POU2F1: variants seen among roughly 807,000 people sequenced by gnomAD.
POU2F1 encodes POU class 2 homeobox 1, also known as POU domain, class 2, transcription factor 1.
In POU2F1, 16 loss-of-function variants were observed where a neutral mutation model predicts 84.9. The observed-to-expected ratio is 0.19, with a 90% confidence interval of 0.13 to 0.29. The LOEUF is 0.29. Ranked by LOEUF, POU2F1 falls within the 10% of genes least tolerant of loss-of-function variation. The pLI is 1.00. For synonymous variants in POU2F1, 368 were observed against 368.3 expected, an observed-to-expected ratio of 1.00 and a Z score of 0.01; for missense variants, 738 against 942.6, an observed-to-expected ratio of 0.78 and a Z score of 2.84.
At chr1:167,282,305 A>G (rs1571223602) in intron 1 of POU2F1, among the ~76,000 whole-genome samples, 1 of 151,574 alleles carries the variant, frequency 6.6e-6, no homozygotes, top group African/African-American at 2.4e-5. Flanking sequence ...CACCACGCCC[A>G]GCTAATTTTT....
chr1:167,347,261 A>T (rs1339055022), intron 2 of POU2F1, among the ~76,000 whole-genome samples: 5 of 152,226 alleles, frequency 3.3e-5, no homozygotes, highest in African/African-American at 1.2e-4. Context: ...TTCATTACAC[A>T]TTAACATGTA....
rs189746948 is a variant in POU2F1, at chr1:167,416,314, T to C, written c.*504T>C. On this transcript the variant is annotated 3_prime_UTR_variant, in exon 16 of 16. Coordinates refer to ENST00000367866, the MANE Select transcript of POU2F1 (RefSeq NM_002697.4). ...TTAAGTCATAACAAGGTGTTTATAA[T>C]CGTATCAATTGTGTTGGGGGTTCCT... 10 of 246,590 alleles carry C rather than the reference T, an allele frequency of 4.1e-5. No individual in the cohort carries two copies. The highest frequency in any genetic ancestry group is 3.4e-4 in the East Asian group (3 of 8,892). The allele number at this position is 246,590 out of a possible 1,614,324, so 15.3% of individuals were successfully genotyped here. A position where few individuals can be genotyped will look rare whatever the true frequency, so the allele number is the denominator to read the frequency against.
In POU2F1 at chr1:167,387,302, C is replaced by T. The variant is rs114798108; in HGVS notation, c.814-2286C>T. Reference sequence around the variant, plus strand: ...TTTGAGAATGGGGCTACTTCAGGCCCGGAGATGAAGTAACAATGTGATAGT... The same window carrying T: ...TTTGAGAATGGGGCTACTTCAGGCCTGGAGATGAAGTAACAATGTGATAGT... On this transcript the variant is annotated intron_variant, in intron 8 of 15. Transcript: ENST00000367866. 1,101 of 446,390 alleles carry T rather than the reference C, an allele frequency of 2.5e-3. 9 individuals are homozygous for T. Among genetic ancestry groups the T allele is most frequent in the African/African-American group, 0.018 (918 of 49,862 alleles). 27.7% of individuals were successfully genotyped at this position (446,390 alleles called of 1,614,324 possible). A position where few individuals can be genotyped will look rare whatever the true frequency, so the allele number is the denominator to read the frequency against.
intron 7 of POU2F1, chr1:167,380,447 T>C (rs1367466866): frequency 6.6e-6 from 1 of 152,250 alleles, no homozygotes; most frequent in Non-Finnish European, 1.5e-5. Context: ...TGTTCCTTTA[T>C]ATAGTTTCCC....
intron 1 of POU2F1, among the ~76,000 whole-genome samples, chr1:167,301,400 T>C (rs1186582931): frequency 6.6e-6 from 1 of 152,214 alleles, no homozygotes; most frequent in Non-Finnish European, 1.5e-5. Flanking sequence ...CAAGCAAAGA[T>C]AAAATTTTTT....
At chr1:167,342,647 A>C (rs1657932112) in intron 2 of POU2F1, among the ~76,000 whole-genome samples, 1 of 152,188 alleles carries the variant, frequency 6.6e-6, no homozygotes, top group Non-Finnish European at 1.5e-5. Flanking sequence ...TGTTTTCCAG[A>C]AAAGCCTCAA....
Position 167,416,137 on chromosome 1 carries a change from A to C in POU2F1, c.*327A>C. ...AAAAAAATCAAAAACAAACAAAAAT[A>C]AGTGAAAGGACTACTTATCATTTCC... On this transcript the variant is annotated 3_prime_UTR_variant, in exon 16 of 16. Transcript: ENST00000367866. The C allele has an allele frequency of 2.2e-6, 1 of 450,786 alleles. No individual in the cohort carries two copies. The highest frequency in any genetic ancestry group is 4.1e-6 in the Non-Finnish European group (1 of 242,616). The allele number at this position is 450,786 out of a possible 1,614,324, so 27.9% of individuals were successfully genotyped here.
At chr1:167,297,798 A>G (rs1221084862) in intron 1 of POU2F1, among the ~76,000 whole-genome samples, 1 of 152,156 alleles carries the variant, frequency 6.6e-6, no homozygotes, top group Non-Finnish European at 1.5e-5. Flanking sequence ...GCAGGAAGAA[A>G]ATACTTTGGC....
At chr1:167,379,494 A>G (rs1275133559) in intron 7 of POU2F1, 2 of 152,222 alleles carry the variant, frequency 1.3e-5, no homozygotes, top group Non-Finnish European at 2.9e-5. Flanking sequence ...ACGAGGGTTG[A>G]TAGGGTCAGA....
intron 7 of POU2F1, among the ~76,000 whole-genome samples, chr1:167,376,936 T>A (rs1455062665): frequency 6.6e-6 from 1 of 152,232 alleles, no homozygotes; most frequent in East Asian, 1.9e-4. Flanking sequence ...AGATTTGATA[T>A]GCACACAATG....
chr1:167,290,660 T>C (rs1210384867), intron 1 of POU2F1, among the ~76,000 whole-genome samples: 1 of 152,218 alleles, frequency 6.6e-6, no homozygotes, highest in Non-Finnish European at 1.5e-5. Flanking sequence ...AGTGAGTGAA[T>C]GTGTGAACAT....
At chr1:167,370,493 C>G (rs956311127) in intron 4 of POU2F1, among the ~76,000 whole-genome samples, 1 of 152,190 alleles carries the variant, frequency 6.6e-6, no homozygotes. Flanking sequence ...ACTGCTATAA[C>G]ACATACCTAA....
intron 9 of POU2F1, among the ~76,000 whole-genome samples, chr1:167,395,844 C>T (rs1027127415): frequency 6.6e-6 from 1 of 152,162 alleles, no homozygotes; most frequent in African/African-American, 2.4e-5. Flanking sequence ...AAGCATTCCA[C>T]CCATGTAGGC....
intron 1 of POU2F1, among the ~76,000 whole-genome samples, chr1:167,284,563 C>A (rs1482699319): frequency 1.3e-5 from 2 of 152,080 alleles, no homozygotes; most frequent in Admixed American, 6.5e-5. Flanking sequence ...ATTCACTTTG[C>A]CTTTCCCATT....
At chr1:167,221,402 G>A (rs1270912203) in intron 1 of POU2F1, among the ~76,000 whole-genome samples, 1 of 149,678 alleles carries the variant, frequency 6.7e-6, no homozygotes, top group East Asian at 2.0e-4. Flanking sequence ...GGCGCAGTAG[G>A]GCGCGGGCGG....
chr1:167,247,569 C>T (rs576436400), intron 1 of POU2F1, among the ~76,000 whole-genome samples: 28 of 152,204 alleles, frequency 1.8e-4, no homozygotes, highest in African/African-American at 6.3e-4. Context: ...ATAGTACTTA[C>T]TAGGCTTCTA....
chr1:167,335,366 T>C (rs946215211), intron 2 of POU2F1, among the ~76,000 whole-genome samples: 7 of 152,038 alleles, frequency 4.6e-5, no homozygotes, highest in African/African-American at 1.7e-4. Flanking sequence ...TTGAAGAAAT[T>C]TGTGTATGTT....
intron 1 of POU2F1, among the ~76,000 whole-genome samples, chr1:167,316,753 A>G (rs879371763): frequency 2.0e-5 from 3 of 152,240 alleles, no homozygotes; most frequent in Non-Finnish European, 4.4e-5. Flanking sequence ...CAGAAATGAA[A>G]TGGAACAGTT....
intron 2 of POU2F1, among the ~76,000 whole-genome samples, chr1:167,364,347 G>A (rs1264631694): frequency 1.3e-5 from 2 of 150,842 alleles, no homozygotes; most frequent in East Asian, 2.0e-4. Context: ...CGGCTATAAC[G>A]GTGAAACCCC....
Sources: allele counts gnomAD v4.1 joint callset (sites outside exome capture counted in the v4.1 genomes callset), GRCh38; gene constraint gnomAD v4.1.1; transcripts MANE v1.5; gene names NCBI Gene and HGNC (gene_info 2026-07-23, HGNC 2026-07-21).